Variants in DNAJC16 observed in about 807,000 individuals in gnomAD.
The protein encoded by DNAJC16 is dnaJ homolog subfamily C member 16.
DNAJC16 carries 76 observed loss-of-function variants against 92.7 expected under a neutral mutation model. That is an observed-to-expected ratio of 0.82 (90% confidence interval 0.68 to 0.99). DNAJC16 has a LOEUF of 0.99. Ranked by LOEUF, DNAJC16 falls within the 50% of genes least tolerant of loss-of-function variation. The probability of loss-of-function intolerance (pLI) is 0.00; values close to 1 mark genes in which losing one functional copy is unlikely to be tolerated. For missense variants in DNAJC16, 869 were observed against 942.4 expected, an observed-to-expected ratio of 0.92 and a Z score of 1.02; for synonymous variants, 328 against 358.7, an observed-to-expected ratio of 0.91 and a Z score of 0.97.
At chr1:15,528,958 C>T (rs1710587646) in intron 1 of DNAJC16, 130 bp from the exon 2 acceptor site, 2 of 703,898 alleles carry the variant, frequency 2.8e-6, no homozygotes, top group South Asian at 4.8e-5. Flanking sequence ...AGTTCAACAG[C>T]TTGACACTTT....
intron 7 of DNAJC16, among the ~76,000 whole-genome samples, chr1:15,554,202 C>CA (rs112745207): frequency 0.01 from 1,401 of 134,110 alleles, 17 homozygotes; most frequent in African/African-American, 0.033. Flanking sequence ...GACCCTGTCT[C>CA]AAAAAAAAAA....
chr1:15,563,892 T>C (rs756978577), intron 9 of DNAJC16, 37 bp from the exon 10 acceptor site: 2 of 1,567,578 alleles, frequency 1.3e-6, no homozygotes, highest in Non-Finnish European at 1.7e-6. Context: ...ACCATGCTTT[T>C]GAAACTTCTG....
chr1:15,536,492 A>G lies in DNAJC16; in HGVS notation c.252A>G (p.Glu84=), dbSNP rs751143443. ...SKAYEILSNE[E]KRSNYDQYGD... Reference sequence around the variant, plus strand: ...CTTTATAGATTCTTTCAAATGAAGAAAAGAGATCAAATTATGATCAATATG... The same window carrying G: ...CTTTATAGATTCTTTCAAATGAAGAGAAGAGATCAAATTATGATCAATATG... Residue 84 remains glutamate, a synonymous_variant, in exon 4 of 15, where the codon GAA becomes GAG. Transcript: ENST00000375847. 3 of 1,589,258 alleles carry G rather than the reference A, an allele frequency of 1.9e-6. No individual in the cohort carries two copies. Among genetic ancestry groups the G allele is most frequent in the Non-Finnish European group, 1.7e-6 (2 of 1,170,556 alleles).
At chr1:15,529,384 T>C (rs1710601298) in intron 2 of DNAJC16, 112 bp downstream of exon 2, 25 of 1,086,864 alleles carry the variant, frequency 2.3e-5, no homozygotes, top group Non-Finnish European at 3.1e-5. Context: ...TCAATATATA[T>C]ATCTGTCTAA....
intron 7 of DNAJC16, among the ~76,000 whole-genome samples, chr1:15,553,550 T>C (rs910585849): frequency 2.0e-4 from 30 of 152,308 alleles, no homozygotes; most frequent in African/African-American, 7.2e-4. Context: ...ATTATTTTTA[T>C]GATACTCACA....
chr1:15,555,295 G>A (rs552678470), intron 7 of DNAJC16, among the ~76,000 whole-genome samples: 1 of 151,582 alleles, frequency 6.6e-6, no homozygotes, highest in African/African-American at 2.4e-5. Flanking sequence ...GCTGAGACAG[G>A]AGAACTGCTT....
rs979224954 is a variant in DNAJC16 at position 15,560,836 on chromosome 1, CT to C, written c.1154+1181del. 5.3e-5 allele frequency among the ~76,000 whole-genome samples: 8 copies of C among 152,244 alleles called. No individual in the cohort carries two copies. The South Asian group carries it at 1.3e-3, about 24-fold the overall frequency. Reference sequence around the variant, plus strand: ...ACCATCGTCTCCCAGCGAGACCCCCCTGGCAGCCTTCTAACTAGTCTCTCTG... The same window carrying C: ...ACCATCGTCTCCCAGCGAGACCCCCCGGCAGCCTTCTAACTAGTCTCTCTG... On this transcript the variant is annotated intron_variant, in intron 8 of 14. Coordinates refer to ENST00000375847, the MANE Select transcript of DNAJC16 (RefSeq NM_015291.4).
intron 7 of DNAJC16, among the ~76,000 whole-genome samples, chr1:15,553,390 C>T (rs1007357751): frequency 1.3e-5 from 2 of 151,802 alleles, no homozygotes; most frequent in African/African-American, 4.8e-5. Context: ...CACTCCACCA[C>T]GCCCAGCTAA....
At chr1:15,538,601 C>T (rs981346906) in intron 4 of DNAJC16, among the ~76,000 whole-genome samples, 1 of 151,996 alleles carries the variant, frequency 6.6e-6, no homozygotes, top group African/African-American at 2.4e-5. Flanking sequence ...CCTGTAATCC[C>T]AGCTACTCGG....
intron 10 of DNAJC16, 65 bp downstream of exon 10, chr1:15,564,176 G>T (rs1158296185): frequency 6.3e-7 from 1 of 1,594,912 alleles, no homozygotes; most frequent in Non-Finnish European, 8.6e-7. Flanking sequence ...TGCTGGTGGC[G>T]GATTTCTGCT....
chr1:15,529,417 A>G, intron 2 of DNAJC16, 145 bp downstream of exon 2: 1 of 787,950 alleles, frequency 1.3e-6, no homozygotes. Context: ...AGGAGAGCTA[A>G]TGTTCATGTT....
chr1:15,533,481 G>A (rs1710706609), intron 2 of DNAJC16, among the ~76,000 whole-genome samples: 1 of 152,124 alleles, frequency 6.6e-6, no homozygotes. Context: ...ACAAAAATTA[G>A]CCGGGTGATA....
chr1:15,565,426 G>A (rs1408023783), intron 11 of DNAJC16: 2 of 166,538 alleles, frequency 1.2e-5, no homozygotes, highest in Non-Finnish European at 2.6e-5. Flanking sequence ...CACAGCACCT[G>A]ACAAATGACA....
At chr1:15,555,566 C>A (rs749170320) in intron 7 of DNAJC16, among the ~76,000 whole-genome samples, 3 of 150,192 alleles carry the variant, frequency 2.0e-5, no homozygotes, top group Non-Finnish European at 4.4e-5. Flanking sequence ...GCCTGTAATC[C>A]TAGCTCCTTA....
intron 3 of DNAJC16, among the ~76,000 whole-genome samples, chr1:15,536,072 C>CTTTTTTTTTTT (rs758451008): frequency 5.8e-4 from 49 of 84,564 alleles, no homozygotes; most frequent in East Asian, 1.6e-3. Flanking sequence ...CTTTTCTTTT[C>CTTTTTTTTTTT]TTTTTTTTTT....
At chr1:15,544,721 T>C (rs1449173843) in intron 5 of DNAJC16, 138 bp downstream of exon 5, 2 of 782,646 alleles carry the variant, frequency 2.6e-6, no homozygotes, top group Non-Finnish European at 4.0e-6. Flanking sequence ...ATTAATTAAT[T>C]AATTACTCAA....
At chr1:15,559,398 GTCT>G in intron 7 of DNAJC16, 125 bp from the exon 8 acceptor site, 1 of 1,277,110 alleles carries the variant, frequency 7.8e-7, no homozygotes, top group Non-Finnish European at 1.1e-6. Context: ...AAACAGGTCT[GTCT>G]TGTTTGGTTA....
chr1:15,544,158 A>ACACACACACACACACACACG (rs1310826315), intron 4 of DNAJC16, among the ~76,000 whole-genome samples: 4 of 74,476 alleles, frequency 5.4e-5, no homozygotes, highest in African/African-American at 1.8e-4. Context: ...GCATACACAC[A>ACACACACACACACACACACG]CACACACACA....
At chr1:15,541,206 C>T (rs1200040686) in intron 4 of DNAJC16, among the ~76,000 whole-genome samples, 1 of 152,178 alleles carries the variant, frequency 6.6e-6, no homozygotes, top group Non-Finnish European at 1.5e-5. Context: ...GTTGACCTCC[C>T]TAGGTGATGT....
Sources: allele counts gnomAD v4.1 joint callset (sites outside exome capture counted in the v4.1 genomes callset), GRCh38; gene constraint gnomAD v4.1.1; transcripts MANE v1.5; gene names NCBI Gene and HGNC (gene_info 2026-07-23, HGNC 2026-07-21).